LATS2: variants seen among roughly 807,000 people sequenced by gnomAD.
LATS2 encodes the protein large tumor suppressor kinase 2.
LATS2 carries 24 observed loss-of-function variants against 76.0 expected under a neutral mutation model. The observed-to-expected ratio is 0.32, with a 90% CI of 0.23 to 0.44. The LOEUF (loss-of-function observed/expected upper bound fraction) is 0.44. LATS2 is among the 20% of genes least tolerant of loss of function. The probability of loss-of-function intolerance (pLI) is 1.00; values close to 1 mark genes in which losing one functional copy is unlikely to be tolerated. For missense variants in LATS2, 1,286 were observed against 1,481.2 expected, an observed-to-expected ratio of 0.87 and a Z score of 2.16; for synonymous variants, 692 against 635.4, an observed-to-expected ratio of 1.09 and a Z score of -1.34.
In LATS2 at chr13:20,989,307, G is replaced by A; in HGVS notation, c.476-3C>T. On this transcript the variant is annotated splice_region_variant and splice_polypyrimidine_tract_variant and intron_variant, in intron 3 of 7. Transcript: ENST00000382592. ...TGGGGTTGGCATGAGCCCCTTTCCTGCAGTGGAAAAAACAGGAAGACAGCA... is the reference window on the plus strand; with the variant it reads ...TGGGGTTGGCATGAGCCCCTTTCCTACAGTGGAAAAAACAGGAAGACAGCA... 6.2e-7 allele frequency: 1 copy of A among 1,613,644 alleles called. No individual in the cohort carries two copies. The highest frequency in any genetic ancestry group is 8.5e-7 in the Non-Finnish European group (1 of 1,179,988).
intron 1 of LATS2, among the ~76,000 whole-genome samples, chr13:21,054,217 G>A (rs1038076747): frequency 1.3e-5 from 2 of 152,128 alleles, no homozygotes; most frequent in Non-Finnish European, 2.9e-5. Flanking sequence ...TTGGGAGCTG[G>A]AGGCAGGAAG....
chr13:21,038,194 A>G (rs1448865352), intron 2 of LATS2, among the ~76,000 whole-genome samples: 2 of 152,132 alleles, frequency 1.3e-5, no homozygotes, highest in Middle Eastern at 3.4e-3. Context: ...AGGAGCCACC[A>G]AGATCCCAGG....
intron 2 of LATS2, among the ~76,000 whole-genome samples, chr13:21,023,535 G>A (rs1022037329): frequency 5.9e-5 from 9 of 151,460 alleles, no homozygotes; most frequent in Admixed American, 1.3e-4. Context: ...CCACGCTGCC[G>A]GAGAGCCCAG....
At chr13:20,990,241 T>G (rs1870446766) in intron 3 of LATS2, among the ~76,000 whole-genome samples, 1 of 152,168 alleles carries the variant, frequency 6.6e-6, no homozygotes, top group African/African-American at 2.4e-5. Flanking sequence ...GGCCTTCCCT[T>G]TGAGCTGTGC....
intron 2 of LATS2, among the ~76,000 whole-genome samples, chr13:21,034,938 A>G (rs1872646190): frequency 6.6e-6 from 1 of 152,212 alleles, no homozygotes; most frequent in Non-Finnish European, 1.5e-5. Context: ...TACAAAATAT[A>G]TCTAAGATGG....
At chr13:21,003,432 T>G (rs1246934714) in intron 2 of LATS2, among the ~76,000 whole-genome samples, 1 of 145,742 alleles carries the variant, frequency 6.9e-6, no homozygotes. Context: ...TTGTCTGTCT[T>G]TCTTTTTTTT....
At chr13:21,047,407 C>T (rs1873111635) in intron 1 of LATS2, among the ~76,000 whole-genome samples, 1 of 152,172 alleles carries the variant, frequency 6.6e-6, no homozygotes, top group Admixed American at 6.5e-5. Context: ...TTTATATAAC[C>T]AGCTGCTCTA....
intron 1 of LATS2, among the ~76,000 whole-genome samples, chr13:21,049,997 T>TGTA (rs887356823): frequency 1.1e-4 from 16 of 152,014 alleles, no homozygotes; most frequent in African/African-American, 3.4e-4. Flanking sequence ...AGCACACCCC[T>TGTA]GTAGTCCAGC....
At chr13:20,989,407 G>A (rs2138292672) in intron 3 of LATS2, 103 bp from the exon 4 acceptor site, 4 of 1,237,888 alleles carry the variant, frequency 3.2e-6, no homozygotes, top group African/African-American at 1.5e-5. Context: ...CGGGGCTGAG[G>A]GTCTTGAACC....
intron 6 of LATS2, 110 bp downstream of exon 6, chr13:20,981,356 A>G: frequency 9.7e-7 from 1 of 1,035,048 alleles, no homozygotes; most frequent in Non-Finnish European, 1.4e-6. Context: ...TATGAGGACA[A>G]AAATATGACT....
In LATS2 at chr13:20,991,446, A is replaced by C. The variant is rs750264804; in HGVS notation, c.343-42T>G. 1.2e-6 allele frequency: 2 copies of C among 1,612,540 alleles called. No individual in the cohort carries two copies. The highest frequency in any genetic ancestry group is 1.7e-6 in the Non-Finnish European group (2 of 1,179,302). On this transcript the variant is annotated intron_variant, in intron 2 of 7. Transcript: ENST00000382592. The surrounding 1 kb of genome is among the most constrained non-coding windows in gnomAD (Gnocchi z 4.9). ...GGAGAGGTAAGTGCATGTCATCCTA[A>C]AACAAAGCCACCAAAGACTCCCATC...
At chr13:21,053,739 T>C (rs1368468247) in intron 1 of LATS2, among the ~76,000 whole-genome samples, 1 of 152,098 alleles carries the variant, frequency 6.6e-6, no homozygotes, top group Non-Finnish European at 1.5e-5. Context: ...TATTCAGCTA[T>C]AAAAAGGAAG....
chr13:21,043,413 G>C (rs7335617), intron 2 of LATS2, among the ~76,000 whole-genome samples: 1 of 152,028 alleles, frequency 6.6e-6, no homozygotes, highest in Non-Finnish European at 1.5e-5. Flanking sequence ...CTAAAGGTAC[G>C]GTTATCTTTT....
intron 2 of LATS2, among the ~76,000 whole-genome samples, chr13:21,015,118 T>C (rs1871750336): frequency 1.3e-5 from 2 of 152,236 alleles, no homozygotes; most frequent in Admixed American, 6.5e-5. Context: ...ATGCACAGTG[T>C]TCCAGGGAAA....
Position 20,988,902 on chromosome 13 carries a change from C to A in LATS2, c.878G>T (p.Gly293Val). The A allele has an allele frequency of 6.5e-7, 1 of 1,534,098 alleles. No individual in the cohort carries two copies. Among genetic ancestry groups the A allele is most frequent in the South Asian group, 1.2e-5 (1 of 82,708 alleles). ...GCCGGCGCCTGGCGGTCCTCCCTGG[C>A]CCTTCGTGGGCAGGCTGGCGTAACC... ...TGGYASLPTK[G>V]QGGPPGAGLA... The change falls in exon 4 of 8, where the codon GGC (glycine) becomes GTC (valine). Residue 293 changes from glycine (G) to valine (V), a missense_variant. Gly to Val is a moderately radical substitution (Grantham distance 109). Coordinates refer to ENST00000382592, the MANE Select transcript of LATS2 (RefSeq NM_014572.3).
chr13:21,018,445 G>A (rs188818570), intron 2 of LATS2, among the ~76,000 whole-genome samples: 7 of 152,322 alleles, frequency 4.6e-5, no homozygotes, highest in Admixed American at 4.6e-4. Flanking sequence ...ACTGCATGAG[G>A]CAGCTAGAGT....
At position 21,002,723 on chromosome 13, in the gene LATS2, T is replaced by C. The variant is rs145592764; in HGVS notation, c.343-11319A>G. Among the ~76,000 whole-genome samples the C allele has an allele frequency of 1.1e-4, 17 of 152,154 alleles. No individual in the cohort carries two copies. In the East Asian group the frequency reaches 3.3e-3, roughly 29 times the overall value. ...AATTTATTTTTTAGAGACAGGGTCT[T>C]GCTCTGTCACCCAGGCTGAAGTACA... On this transcript the variant is annotated intron_variant, in intron 2 of 7. Transcript: ENST00000382592.
At chr13:21,035,068 T>C (rs894670924) in intron 2 of LATS2, among the ~76,000 whole-genome samples, 3 of 151,962 alleles carry the variant, frequency 2.0e-5, no homozygotes, top group Non-Finnish European at 2.9e-5. Flanking sequence ...CCATCTCTAT[T>C]GACAAGAACA....
chr13:20,983,934 G>T (rs1321393492), intron 4 of LATS2, 128 bp from the exon 5 acceptor site: 1 of 710,916 alleles, frequency 1.4e-6, no homozygotes, highest in Non-Finnish European at 2.3e-6. Context: ...GAACAGAGAA[G>T]AATGGGTCTC....
Sources: allele counts gnomAD v4.1 joint callset (sites outside exome capture counted in the v4.1 genomes callset), GRCh38; gene constraint gnomAD v4.1.1; non-coding constraint Gnocchi (gnomAD v3.1); transcripts MANE v1.5; gene names NCBI Gene and HGNC (gene_info 2026-07-23, HGNC 2026-07-21).